Variants in C12orf56 observed in about 807,000 individuals in gnomAD.
C12orf56 encodes chromosome 12 open reading frame 56.
A neutral mutation model predicts 69.9 loss-of-function variants in C12orf56; 71 were observed. The ratio of observed to expected loss-of-function variants is 1.02; its 90% CI spans 0.84 to 1.24. C12orf56 has a LOEUF of 1.24. Among genes scored for constraint, C12orf56 ranks in the 50% most tolerant of loss-of-function variants. The pLI is 0.00. For missense variants in C12orf56, 732 were observed against 738.5 expected, an observed-to-expected ratio of 0.99 and a Z score of 0.10; for synonymous variants, 276 against 274.1, an observed-to-expected ratio of 1.01 and a Z score of -0.07.
chr12:64,293,449 T>C (rs2038323168), intron 6 of C12orf56: 1 of 152,216 alleles, frequency 6.6e-6, no homozygotes, highest in East Asian at 1.9e-4. Context: ...CACTGGGCAG[T>C]TGTGTGACAT....
intron 1 of C12orf56, among the ~76,000 whole-genome samples, chr12:64,380,220 A>T (rs950850242): frequency 5.3e-5 from 8 of 151,812 alleles, no homozygotes; most frequent in Non-Finnish European, 1.2e-4. Flanking sequence ...GTAGAGAGCT[A>T]AACATGAGCA....
At chr12:64,323,302 C>T (rs1042840577) in intron 3 of C12orf56, among the ~76,000 whole-genome samples, 22 of 152,134 alleles carry the variant, frequency 1.4e-4, no homozygotes, top group Admixed American at 2.6e-4. Context: ...TGAGTTTGCT[C>T]ACCATTGTAT....
intron 1 of C12orf56, among the ~76,000 whole-genome samples, chr12:64,365,825 A>ATTATATATAG: frequency 7.2e-6 from 1 of 139,720 alleles, no homozygotes; most frequent in African/African-American, 2.7e-5. Context: ...TGTATATATT[A>ATTATATATAG]TGTATAATAT....
At chr12:64,367,828 A>G (rs1164421760) in intron 1 of C12orf56, among the ~76,000 whole-genome samples, 1 of 117,438 alleles carries the variant, frequency 8.5e-6, no homozygotes, top group Non-Finnish European at 1.8e-5. Context: ...TTTTTTTTGA[A>G]ATGGAGTCTT....
intron 8 of C12orf56, among the ~76,000 whole-genome samples, chr12:64,282,775 A>G (rs571162765): frequency 1.3e-4 from 19 of 151,978 alleles, no homozygotes; most frequent in Non-Finnish European, 8.8e-5. Context: ...CTAAAAAAAA[A>G]AAAAGAAAAG....
At chr12:64,277,603 AT>A (rs2038067864) in intron 9 of C12orf56, 76 bp downstream of exon 9, 1 of 967,270 alleles carries the variant, frequency 1.0e-6, no homozygotes, top group East Asian at 4.0e-5. Flanking sequence ...CTACGGTGTC[AT>A]GGTCCACATT....
intron 1 of C12orf56, among the ~76,000 whole-genome samples, chr12:64,353,703 A>G (rs957028946): frequency 6.6e-6 from 1 of 152,038 alleles, no homozygotes; most frequent in Admixed American, 6.6e-5. Context: ...TGTTGTTGAG[A>G]TGGAGTCTCT....
At chr12:64,338,332 C>T (rs1427775687) in intron 2 of C12orf56, 1 of 578,760 alleles carries the variant, frequency 1.7e-6, no homozygotes, top group African/African-American at 1.9e-5. Context: ...TGTCCTCTGG[C>T]AGGTAGACAT....
At position 64,276,993 on chromosome 12, in the gene C12orf56, TAAAA is replaced by T. The variant is rs200351319; in HGVS notation, c.1434+683_1434+686del. Among the ~76,000 whole-genome samples the T allele has an allele frequency of 1.7e-3, 120 of 69,220 alleles. 3 individuals carry two copies. Among genetic ancestry groups the T allele is most frequent in the African/African-American group, 6.2e-3 (108 of 17,392 alleles). The allele number at this position is 69,220 out of a possible 152,430, so 45.4% of individuals were successfully genotyped here. A position where few individuals can be genotyped will look rare whatever the true frequency, so the allele number is the denominator to read the frequency against. ...TGGGCAACAGAGTGAAACCCTTTCT[TAAAA>T]AAAAAAAAAAAAAAAAAAATTACTG... On this transcript the variant is annotated intron_variant, in intron 9 of 12. Transcript: ENST00000543942.
At chr12:64,375,818 A>T (rs749186094) in intron 1 of C12orf56, among the ~76,000 whole-genome samples, 1 of 152,214 alleles carries the variant, frequency 6.6e-6, no homozygotes, top group Non-Finnish European at 1.5e-5. Flanking sequence ...TTATGCAACA[A>T]CGAACAGTTT....
chr12:64,297,996 C>T (rs1377362107), intron 6 of C12orf56, among the ~76,000 whole-genome samples: 1 of 152,144 alleles, frequency 6.6e-6, no homozygotes, highest in Admixed American at 6.5e-5. Context: ...ATTTACACTC[C>T]CACCAACAGT....
intron 11 of C12orf56, among the ~76,000 whole-genome samples, chr12:64,274,669 T>G (rs529588849): frequency 6.6e-6 from 1 of 152,320 alleles, no homozygotes; most frequent in South Asian, 2.1e-4. Flanking sequence ...ATCTTAGAGT[T>G]TTTCATGAAA....
At chr12:64,353,970 C>A (rs1305809984) in intron 1 of C12orf56, among the ~76,000 whole-genome samples, 1 of 152,308 alleles carries the variant, frequency 6.6e-6, no homozygotes, top group East Asian at 1.9e-4. Context: ...CGTGAGCCAC[C>A]GTGCCTGGTC....
chr12:64,308,826 G>A (rs1380919775), intron 5 of C12orf56, among the ~76,000 whole-genome samples: 1 of 144,442 alleles, frequency 6.9e-6, no homozygotes, highest in African/African-American at 2.6e-5. Context: ...TTGGGCAACA[G>A]AGCAAGACTC....
At chr12:64,328,561 T>A (rs1406442322) in intron 3 of C12orf56, among the ~76,000 whole-genome samples, 1 of 150,536 alleles carries the variant, frequency 6.6e-6, no homozygotes, top group Non-Finnish European at 1.5e-5. Context: ...GCGCCTGTAA[T>A]CCCAGCTACT....
At chr12:64,385,233 C>G (rs1229663575) in intron 1 of C12orf56, among the ~76,000 whole-genome samples, 2 of 152,150 alleles carry the variant, frequency 1.3e-5, no homozygotes, top group Non-Finnish European at 2.9e-5. Flanking sequence ...CCACATCAAA[C>G]ACATACTGAG....
At chr12:64,336,615 A>G (rs1376679115) in intron 2 of C12orf56, among the ~76,000 whole-genome samples, 1 of 152,188 alleles carries the variant, frequency 6.6e-6, no homozygotes, top group African/African-American at 2.4e-5. Context: ...CCTGCTAATT[A>G]CAGCTCCTAC....
In C12orf56 at chr12:64,267,149, A is replaced by G; in HGVS notation, c.*34T>C. 2 of 1,431,986 alleles carry G rather than the reference A, an allele frequency of 1.4e-6. No individual in the cohort carries two copies. The highest frequency in any genetic ancestry group is 2.6e-5 in the South Asian group (2 of 77,242). The allele number at this position is 1,431,986 out of a possible 1,614,324, so 88.7% of individuals were successfully genotyped here. On this transcript the variant is annotated 3_prime_UTR_variant, in exon 13 of 13. Coordinates refer to ENST00000543942, the MANE Select transcript of C12orf56 (RefSeq NM_001170633.2). ...CAAGTTGACTCTTGATTAACATTTT[A>G]TACTCTTATTAACATTGCGTACATT... is the stretch of plus-strand genomic sequence containing the variant.
chr12:64,370,462 C>A (rs1435759538), intron 1 of C12orf56, among the ~76,000 whole-genome samples: 1 of 151,652 alleles, frequency 6.6e-6, no homozygotes, highest in Non-Finnish European at 1.5e-5. Flanking sequence ...ACCAGCCTGA[C>A]CAACAGAGCA....
Sources: allele counts gnomAD v4.1 joint callset (sites outside exome capture counted in the v4.1 genomes callset), GRCh38; gene constraint gnomAD v4.1.1; transcripts MANE v1.5; gene names NCBI Gene and HGNC (gene_info 2026-07-23, HGNC 2026-07-21).